GRIP1: variants seen among roughly 807,000 people sequenced by gnomAD.
GRIP1 encodes glutamate receptor-interacting protein 1.
Under a neutral mutation model 129.9 loss-of-function variants are expected in GRIP1, and 45 were observed. The observed-to-expected ratio is 0.35, with a 90% CI of 0.27 to 0.44. The LOEUF is 0.44. GRIP1 is among the 20% of genes least tolerant of loss of function. The pLI, the probability that GRIP1 is intolerant of heterozygous loss-of-function variation, is 1.00. For missense variants in GRIP1, 1,196 were observed against 1,396.8 expected (o/e 0.86, Z 2.29); for synonymous variants, 530 against 520.8 (o/e 1.02, Z -0.24).
chr12:66,692,085 T>C (rs1403907897), intron 1 of GRIP1, among the ~76,000 whole-genome samples: 1 of 152,218 alleles, frequency 6.6e-6, no homozygotes, highest in African/African-American at 2.4e-5. Context: ...CACCTTCAGT[T>C]TTCCATTATC....
At chr12:66,871,449 T>G (rs1287109993) in intron 1 of GRIP1, among the ~76,000 whole-genome samples, 4 of 152,120 alleles carry the variant, frequency 2.6e-5, no homozygotes, top group Admixed American at 6.6e-5. Context: ...ATTAGTTTTA[T>G]GGGCAGTTTG....
chr12:66,723,239 T>TCCTCCTTCCTTC (rs1555230331), intron 1 of GRIP1, among the ~76,000 whole-genome samples: 1 of 23,600 alleles, frequency 4.2e-5, no homozygotes, highest in Admixed American at 5.5e-4. Context: ...TCTCTCTCTC[T>TCCTCCTTCCTTC]CTTCCTTCCT....
chr12:66,357,039 G>A (rs7305102), intron 23 of GRIP1, among the ~76,000 whole-genome samples: 3,433 of 152,080 alleles, frequency 0.023, 142 homozygotes, highest in African/African-American at 0.077. Flanking sequence ...ACCACATCTA[G>A]CTAATTTTTC....
chr12:66,596,875 C>T lies in GRIP1; in HGVS notation c.108G>A (p.Ala36=), dbSNP rs997903197. ...SASQTKPPDG[A]LAVRRQSIPE... ...GGATGCTCTGTCTCCTCACAGCCAACGCTCCATCAGGCGGCTTTGTCTGGC... is the reference window on the plus strand; with the variant it reads ...GGATGCTCTGTCTCCTCACAGCCAATGCTCCATCAGGCGGCTTTGTCTGGC... Residue 36 remains alanine (A), a synonymous_variant, in exon 2 of 25, where the codon GCG becomes GCA. Coordinates refer to ENST00000359742, the MANE Select transcript of GRIP1 (RefSeq NM_001366722.1). 10 of 1,613,128 alleles carry T rather than the reference C, an allele frequency of 6.2e-6. No individual in the cohort carries two copies. Among genetic ancestry groups the T allele is most frequent in the Middle Eastern group, 1.6e-4 (1 of 6,078 alleles).
chr12:66,809,847 A>C (rs1004129859), intron 1 of GRIP1, among the ~76,000 whole-genome samples: 2 of 152,062 alleles, frequency 1.3e-5, no homozygotes, highest in East Asian at 1.9e-4. Context: ...GTTTTGAGAC[A>C]GACAGGGTTT....
intron 7 of GRIP1, among the ~76,000 whole-genome samples, chr12:66,469,838 A>G (rs2059388316): frequency 6.6e-6 from 1 of 152,048 alleles, no homozygotes; most frequent in Non-Finnish European, 1.5e-5. Context: ...CAATTTTTGG[A>G]TATCTCCTAG....
At chr12:66,707,037 T>C (rs1394300428) in intron 1 of GRIP1, among the ~76,000 whole-genome samples, 1 of 151,928 alleles carries the variant, frequency 6.6e-6, no homozygotes, top group South Asian at 2.1e-4. Context: ...CACTTAAGTT[T>C]GAACAAACAA....
At chr12:66,470,833 G>A (rs2059418910) in intron 7 of GRIP1, among the ~76,000 whole-genome samples, 1 of 152,178 alleles carries the variant, frequency 6.6e-6, no homozygotes, top group African/African-American at 2.4e-5. Context: ...AGAAATAATA[G>A]GGACCATACC....
chr12:66,869,041 A>G (rs1374384960), intron 1 of GRIP1, among the ~76,000 whole-genome samples: 1 of 152,138 alleles, frequency 6.6e-6, no homozygotes, highest in Non-Finnish European at 1.5e-5. Context: ...CTCTAGACAC[A>G]CCATAGAAAC....
At chr12:66,719,515 C>T (rs1246287198) in intron 1 of GRIP1, among the ~76,000 whole-genome samples, 1 of 152,156 alleles carries the variant, frequency 6.6e-6, no homozygotes, top group African/African-American at 2.4e-5. Context: ...GATAGTATCA[C>T]ATTTCAATCC....
chr12:66,716,871 A>G (rs892661997), intron 1 of GRIP1, among the ~76,000 whole-genome samples: 6 of 152,080 alleles, frequency 3.9e-5, no homozygotes, highest in Non-Finnish European at 8.8e-5. Flanking sequence ...CCCAACTCTT[A>G]AGACAGGAAA....
intron 1 of GRIP1, among the ~76,000 whole-genome samples, chr12:66,632,512 C>T (rs1023521151): frequency 4.6e-5 from 7 of 152,158 alleles, no homozygotes; most frequent in Non-Finnish European, 8.8e-5. Flanking sequence ...ATGCTTCCTT[C>T]CCCAAAAAGG....
intron 1 of GRIP1, among the ~76,000 whole-genome samples, chr12:66,992,397 A>T (rs1281135227): frequency 6.6e-6 from 1 of 152,130 alleles, no homozygotes; most frequent in Non-Finnish European, 1.5e-5. Flanking sequence ...TTTTTTAAAT[A>T]CAATTCCAAT....
chr12:66,615,845 A>G (rs2065018113), intron 1 of GRIP1, among the ~76,000 whole-genome samples: 1 of 151,940 alleles, frequency 6.6e-6, no homozygotes, highest in Admixed American at 6.6e-5. Context: ...GGGTTTCACC[A>G]TGTTGGCCAG....
chr12:66,573,915 C>T (rs2063050496), intron 2 of GRIP1, among the ~76,000 whole-genome samples: 1 of 152,092 alleles, frequency 6.6e-6, no homozygotes, highest in Non-Finnish European at 1.5e-5. Flanking sequence ...TGGTTGGTGC[C>T]CTCTGGCCTA....
In GRIP1 at chr12:66,532,519, T is replaced by G. The variant is rs114550812; in HGVS notation, c.419-2605A>C. On this transcript the variant is annotated intron_variant, in intron 4 of 24. Coordinates refer to ENST00000359742, the MANE Select transcript of GRIP1 (RefSeq NM_001366722.1). ...TCCTTCCCTGCCTCCCTATTCCCTG[T>G]CTCAATAGGAGTTGTGAACTTTCCT... 6.0e-3 allele frequency among the ~76,000 whole-genome samples: 914 copies of G among 152,288 alleles called. 8 individuals are homozygous for G. Among genetic ancestry groups the G allele is most frequent in the African/African-American group, 0.021 (868 of 41,554 alleles).
chr12:66,439,130 T>C (rs1354686153), intron 13 of GRIP1, among the ~76,000 whole-genome samples: 3 of 152,192 alleles, frequency 2.0e-5, no homozygotes, highest in Admixed American at 6.5e-5. Context: ...TTCTGTGGAA[T>C]TGTGCTTGGC....
chr12:67,017,662 A>G (rs1267435928), intron 1 of GRIP1, among the ~76,000 whole-genome samples: 3 of 152,056 alleles, frequency 2.0e-5, no homozygotes, highest in Non-Finnish European at 4.4e-5. Flanking sequence ...TGGAAGTAAC[A>G]TGGTGTTGGC....
At chr12:66,459,684 T>C (rs2059077059) in intron 9 of GRIP1, among the ~76,000 whole-genome samples, 1 of 152,160 alleles carries the variant, frequency 6.6e-6, no homozygotes, top group South Asian at 2.1e-4. Context: ...TATAAAATAA[T>C]TAAGAGACAA....
Sources: allele counts gnomAD v4.1 joint callset (sites outside exome capture counted in the v4.1 genomes callset), GRCh38; gene constraint gnomAD v4.1.1; transcripts MANE v1.5; gene names NCBI Gene and HGNC (gene_info 2026-07-23, HGNC 2026-07-21).